KAT2A: variants seen among roughly 807,000 people sequenced by gnomAD.
KAT2A encodes histone acetyltransferase KAT2A.
A neutral mutation model predicts 95.2 loss-of-function variants in KAT2A; 42 were observed. The ratio of observed to expected loss-of-function variants is 0.44; its 90% CI spans 0.34 to 0.57. The LOEUF is 0.57. Ranked by LOEUF, KAT2A falls within the 20% of genes least tolerant of loss-of-function variation. The pLI is 0.01. For synonymous variants in KAT2A, 449 were observed against 448.2 expected (o/e 1.00, Z -0.02); for missense variants, 784 against 1,126.3 (o/e 0.70, Z 4.35).
intron 2 of KAT2A, 151 bp downstream of exon 2, chr17:42,120,555 T>G: frequency 7.9e-7 from 1 of 1,271,980 alleles, no homozygotes; most frequent in Non-Finnish European, 1.1e-6. Context: ...GAGATTTCCT[T>G]TCTCCCCCCT....
At chr17:42,115,238 C>A in intron 12 of KAT2A, among the ~76,000 whole-genome samples, 1 of 149,748 alleles carries the variant, frequency 6.7e-6, no homozygotes, top group Non-Finnish European at 1.5e-5. Flanking sequence ...CCCGAAGAGT[C>A]CCCCAGTTCC....
chr17:42,113,652 C>G lies in KAT2A; in HGVS notation c.2511G>C (p.Lys837Asn). The change falls in exon 18 of 18, where the codon AAG becomes AAC. Residue 837 changes from lysine (K) to asparagine (N), a missense_variant. Lys to Asn is a moderately conservative substitution (Grantham distance 94, BLOSUM62 0). This residue lies in a region of KAT2A where 195 missense variants were observed against 247.1 expected (regional missense o/e 0.79). Transcript: ENST00000225916. ...FKLKEGGLID[K>N] Reference sequence around the variant, plus strand: ...GGGCTGCGGCCCAAAGATGGGCCTACTTGTCAATGAGGCCTCCCTCCTTGA... The same window carrying G: ...GGGCTGCGGCCCAAAGATGGGCCTAGTTGTCAATGAGGCCTCCCTCCTTGA... 6.2e-7 allele frequency: 1 copy of G among 1,607,436 alleles called. No homozygotes were observed. Among genetic ancestry groups the G allele is most frequent in the South Asian group, 1.1e-5 (1 of 90,508 alleles).
In KAT2A at chr17:42,117,250, CA is replaced by C. The variant is rs782457507; in HGVS notation, c.1638-90del. ...AGTCTGAGCTGTAGTCAGGGTTGGG[CA>C]GTGAGAAGTAAGAATGCTCAAAGGA... On this transcript the variant is annotated intron_variant, in intron 10 of 17. Coordinates refer to ENST00000225916, the MANE Select transcript of KAT2A (RefSeq NM_021078.3). This position sits in a 1 kb window ranked among gnomAD's most constrained non-coding sequence, Gnocchi z 8.9. The C allele has an allele frequency of 1.9e-5, 30 of 1,575,810 alleles. No homozygotes were observed. The highest frequency in any genetic ancestry group is 2.5e-5 in the Non-Finnish European group (29 of 1,154,812).
Position 42,119,559 on chromosome 17 carries a change from T to G in KAT2A, c.859A>C (p.Thr287Pro). The G allele has an allele frequency of 6.2e-7, 1 of 1,600,652 alleles. No individual in the cohort carries two copies. Among genetic ancestry groups the G allele is most frequent in the Non-Finnish European group, 8.5e-7 (1 of 1,172,878 alleles). ...TACCTGGTGTAATTGACCTTGTAGG[T>G]AGCCACGTCCTCAGCCTGAGACCTC... ...RQRSQAEDVA[T>P]YKVNYTRWLC... Residue 287 changes from threonine to proline, a missense_variant, in exon 5 of 18, where the codon ACC becomes CCC. Thr to Pro is a conservative substitution (Grantham distance 38). This residue lies in a region of KAT2A where 208 missense variants were observed against 339.7 expected (regional missense o/e 0.61). Coordinates refer to ENST00000225916, the MANE Select transcript of KAT2A (RefSeq NM_021078.3). This position sits in a 1 kb window ranked among gnomAD's most constrained non-coding sequence, Gnocchi z 5.3.
In KAT2A at chr17:42,119,757, G is replaced by A. The variant is rs782079100; in HGVS notation, c.700-39C>T. On this transcript the variant is annotated intron_variant, in intron 4 of 17. Transcript: ENST00000225916. This position sits in a 1 kb window ranked among gnomAD's most constrained non-coding sequence, Gnocchi z 5.3. ...GGTGGGGGATAAAACCAGGAATGAG[G>A]TGTGAGCAGCCCGCAGGGCCTTCTT... 1.9e-6 allele frequency: 3 copies of A among 1,540,032 alleles called. No individual in the cohort carries two copies. The highest frequency in any genetic ancestry group is 1.2e-5 in the South Asian group (1 of 81,514).
In KAT2A at chr17:42,121,259, G is replaced by A. The variant is rs1055764927; in HGVS notation, c.46C>T (p.Pro16Ser). 1.5e-6 allele frequency: 2 copies of A among 1,363,620 alleles called. No homozygotes were observed. The highest frequency in any genetic ancestry group is 6.8e-5 in the Admixed American group (2 of 29,376). The allele number at this position is 1,363,620 out of a possible 1,614,324, so 84.5% of individuals were successfully genotyped here. A position where few individuals can be genotyped will look rare whatever the true frequency, so the allele number is the denominator to read the frequency against. Residue 16 changes from proline to serine, a missense_variant, in exon 1 of 18, where the codon CCC (proline) becomes TCC (serine). Pro to Ser is a moderately conservative substitution (Grantham distance 74). Coordinates refer to ENST00000225916, the MANE Select transcript of KAT2A (RefSeq NM_021078.3). The stretch of plus-strand genomic sequence containing the variant: ...GGGGCTGGGGACTGAAGGGGCCGGG[G>A]CTGCGCAGCCGGGGCCGGGGTCGGG... Reference protein sequence around the residue: ...QAPTPAPAAQPRPLQSPAPAP... With the variant: ...QAPTPAPAAQSRPLQSPAPAP...
rs1375282491 is a variant in KAT2A at position 42,114,848 on chromosome 17, C to G, written c.2019+44G>C. On this transcript the variant is annotated intron_variant, in intron 13 of 17. Transcript: ENST00000225916. This position sits in a 1 kb window ranked among gnomAD's most constrained non-coding sequence, Gnocchi z 6.0. ...CACACGTGTGCTCGCCCTCTGCATG[C>G]CCATTCATGAAAAATCCCACAGATG... 3.7e-6 allele frequency: 6 copies of G among 1,605,820 alleles called. 1 individual carries two copies. Among genetic ancestry groups the G allele is most frequent in the Non-Finnish European group, 3.4e-6 (4 of 1,173,372 alleles).
rs2054302139 is a variant in KAT2A at position 42,119,238 on chromosome 17, G to A, written c.1073+7C>T. On this transcript the variant is annotated splice_region_variant and intron_variant, in intron 6 of 17. Transcript: ENST00000225916. The surrounding 1 kb of genome is among the most constrained non-coding windows in gnomAD (Gnocchi z 5.3). ...GCCAAATCCTGGTAGGCCAGAAGGA[G>A]CCTTACTTGGGGAAGTGAGTGAGGA... is the stretch of plus-strand genomic sequence containing the variant. 1.3e-6 allele frequency: 2 copies of A among 1,597,098 alleles called. No individual in the cohort carries two copies. The highest frequency in any genetic ancestry group is 2.7e-5 in the African/African-American group (2 of 74,598).
At position 42,119,770 on chromosome 17, in the gene KAT2A, G is replaced by A. The variant is rs773042090; in HGVS notation, c.700-52C>T. 3.1e-4 allele frequency: 446 copies of A among 1,461,622 alleles called. No homozygotes were observed. Among genetic ancestry groups the A allele is most frequent in the Non-Finnish European group, 3.5e-4 (379 of 1,076,138 alleles). 90.5% of individuals were successfully genotyped at this position (1,461,622 alleles called of 1,614,324 possible). A position where few individuals can be genotyped will look rare whatever the true frequency, so the allele number is the denominator to read the frequency against. On this transcript the variant is annotated intron_variant, in intron 4 of 17. Coordinates refer to ENST00000225916, the MANE Select transcript of KAT2A (RefSeq NM_021078.3). The surrounding 1 kb of genome is among the most constrained non-coding windows in gnomAD (Gnocchi z 5.3). ...ACCAGGAATGAGGTGTGAGCAGCCCGCAGGGCCTTCTTAGACAAAGGAAGA... is the reference window on the plus strand; with the variant it reads ...ACCAGGAATGAGGTGTGAGCAGCCCACAGGGCCTTCTTAGACAAAGGAAGA...
rs1555667309 is a variant in KAT2A, at chr17:42,121,191, C to A, written c.114G>T (p.Pro38=). The A allele has an allele frequency of 7.3e-7, 1 of 1,376,276 alleles. No homozygotes were observed. Among genetic ancestry groups the A allele is most frequent in the Admixed American group, 2.5e-5 (1 of 39,414 alleles). 85.3% of individuals were successfully genotyped at this position (1,376,276 alleles called of 1,614,324 possible). A position where few individuals can be genotyped will look rare whatever the true frequency, so the allele number is the denominator to read the frequency against. The change falls in exon 1 of 18, where the codon CCG becomes CCT. Residue 38 remains proline, a synonymous_variant. Transcript: ENST00000225916. ...CTGGTGCCGGGGTGGGAGTCGGAAT[C>A]GGGGCTGAAGCCGGGCTGGGTGCAG... is the stretch of plus-strand genomic sequence containing the variant. ...PTPAPSPASA[P]IPTPTPAPAP...
At chr17:42,120,867 G>T (rs1555667160) in intron 1 of KAT2A, 38 bp from the exon 2 acceptor site, 2 of 1,588,416 alleles carry the variant, frequency 1.3e-6, no homozygotes, top group Non-Finnish European at 1.7e-6. Flanking sequence ...CTATACCTCT[G>T]GGGCAAGAGC....
chr17:42,116,284 A>G (rs1411069946), intron 11 of KAT2A, among the ~76,000 whole-genome samples: 2 of 152,214 alleles, frequency 1.3e-5, no homozygotes, highest in African/African-American at 4.8e-5. Context: ...GAGCAGCAGG[A>G]GCAATGCCTC....
At position 42,117,798 on chromosome 17, in the gene KAT2A, G is replaced by A. The variant is rs79405527; in HGVS notation, c.1308C>T (p.Leu436=). The change falls in exon 9 of 18, where the codon CTC becomes CTT. Residue 436 remains leucine (L), a synonymous_variant. Coordinates refer to ENST00000225916, the MANE Select transcript of KAT2A (RefSeq NM_021078.3). The surrounding 1 kb of genome is among the most constrained non-coding windows in gnomAD (Gnocchi z 8.9). ...AEPMPGEKRT[L]PENLTLEDAK... is the part of the protein sequence containing the mutation. Reference sequence around the variant, plus strand: ...CATCCTCCAGGGTCAGGTTCTCTGGGAGCGTCCTCTTCTCGCCTATTGGGG... The same window carrying A: ...CATCCTCCAGGGTCAGGTTCTCTGGAAGCGTCCTCTTCTCGCCTATTGGGG... 0.011 allele frequency: 17,441 copies of A among 1,613,952 alleles called. 361 individuals are homozygous for A. The highest frequency in any genetic ancestry group is 0.085 in the African/African-American group (6,348 of 75,012).
In KAT2A at chr17:42,113,809, CGGCTT is replaced by C; in HGVS notation, c.2349_2353del (p.Ser784LeufsTer51). 6.2e-7 allele frequency: 1 copy of C among 1,600,928 alleles called. No individual in the cohort carries two copies. The highest frequency in any genetic ancestry group is 1.1e-5 in the South Asian group (1 of 89,836). ...AAAGAGCTTCCGGGTCACGTAGTAG[CGGCTT>C]CGCAGCCGCTCAGTCATGGTCTTCA... is the stretch of plus-strand genomic sequence containing the variant. On this transcript the variant is annotated frameshift_variant, in exon 18 of 18. Coordinates refer to ENST00000225916, the MANE Select transcript of KAT2A (RefSeq NM_021078.3). LOFTEE classifies it high-confidence loss of function.
intron 7 of KAT2A, 123 bp from the exon 8 acceptor site, chr17:42,118,140 A>C: frequency 7.1e-6 from 5 of 702,658 alleles, no homozygotes; most frequent in Non-Finnish European, 1.2e-5. Context: ...GAAGCTGAGG[A>C]GAGAGAGAGA....
Position 42,120,081 on chromosome 17 carries a change from C to A in KAT2A, c.648G>T (p.Val216=). ...RKCILQMTRP[V]VEGSLGSPPF... is the part of the protein sequence containing the mutation. ...GAGGGCTGCCCAGGGACCCCTCCAC[C>A]ACAGGCCGGGTCATCTGCAGGATGC... The change falls in exon 4 of 18, where the codon GTG becomes GTT. Residue 216 remains valine, a synonymous_variant. Transcript: ENST00000225916. The A allele has an allele frequency of 6.2e-7, 1 of 1,614,212 alleles. No individual in the cohort carries two copies. The highest frequency in any genetic ancestry group is 8.5e-7 in the Non-Finnish European group (1 of 1,180,026).
At position 42,113,191 on chromosome 17, in the gene KAT2A, G is replaced by C. The variant is rs2054193820; in HGVS notation, c.*458C>G. 1 of 156,970 alleles carries C rather than the reference G, an allele frequency of 6.4e-6. No homozygotes were observed. Among genetic ancestry groups the C allele is most frequent in the Admixed American group, 6.5e-5 (1 of 15,358 alleles). The allele number at this position is 156,970 out of a possible 1,614,324, so 9.7% of individuals were successfully genotyped here. The stretch of plus-strand genomic sequence containing the variant: ...AATGGTCCCCATACCCCCCACCCCT[G>C]GGGGAGACTGACAGAACAGTGCTGG... On this transcript the variant is annotated 3_prime_UTR_variant, in exon 18 of 18. Coordinates refer to ENST00000225916, the MANE Select transcript of KAT2A (RefSeq NM_021078.3).
chr17:42,114,835 C>T lies in KAT2A; in HGVS notation c.2019+57G>A, dbSNP rs1394023560. On this transcript the variant is annotated intron_variant, in intron 13 of 17. Transcript: ENST00000225916. This position sits in a 1 kb window ranked among gnomAD's most constrained non-coding sequence, Gnocchi z 6.0. ...TAGAACAGGTCTACACACGTGTGCT[C>T]GCCCTCTGCATGCCCATTCATGAAA... The T allele has an allele frequency of 5.1e-6, 8 of 1,577,094 alleles. No individual in the cohort carries two copies. The highest frequency in any genetic ancestry group is 1.7e-5 in the Admixed American group (1 of 59,596).
rs1568011623 is a variant in KAT2A, at chr17:42,117,850, T to TA, written c.1292-37dup. On this transcript the variant is annotated intron_variant, in intron 8 of 17. Transcript: ENST00000225916. This position sits in a 1 kb window ranked among gnomAD's most constrained non-coding sequence, Gnocchi z 8.9. ...GGCAGGCAAGGTTGCTCAGGATCAGTAAAAAAGGTTTGGGAAGGAGTGAAT... is the reference window on the plus strand; with the variant it reads ...GGCAGGCAAGGTTGCTCAGGATCAGTAAAAAAAGGTTTGGGAAGGAGTGAAT... 1 of 1,609,772 alleles carries TA rather than the reference T, an allele frequency of 6.2e-7. No individual in the cohort carries two copies. Among genetic ancestry groups the TA allele is most frequent in the Non-Finnish European group, 8.5e-7 (1 of 1,177,004 alleles).
Sources: gnomAD v4.1 joint callset for allele counts (sites outside exome capture counted in the v4.1 genomes callset) on GRCh38, gnomAD v4.1.1 for gene constraint, gnomAD v4.1.1 regional missense constraint, Gnocchi (gnomAD v3.1) non-coding constraint, MANE v1.5 for transcripts, NCBI Gene and HGNC (gene_info 2026-07-23, HGNC 2026-07-21) for gene names.